ZNF385D: variants seen among roughly 807,000 people sequenced by gnomAD.
ZNF385D encodes the protein zinc finger protein 659.
In ZNF385D, 15 loss-of-function variants were observed where a neutral mutation model predicts 35.8. The observed-to-expected ratio is 0.42, with a 90% confidence interval of 0.28 to 0.64. ZNF385D has a LOEUF of 0.64. Ranked by LOEUF, ZNF385D falls within the 30% of genes least tolerant of loss-of-function variation. The pLI, the probability that ZNF385D is intolerant of heterozygous loss-of-function variation, is 0.23. For missense variants in ZNF385D, 474 were observed against 494.6 expected (o/e 0.96, Z 0.39); for synonymous variants, 212 against 186.8 (o/e 1.13, Z -1.10).
At chr3:21,556,068 G>GT (rs148079775) in intron 3 of ZNF385D, among the ~76,000 whole-genome samples, 23,808 of 98,964 alleles carry the variant, frequency 0.24, 2,958 homozygotes, top group Non-Finnish European at 0.28. Context: ...TTTTGTTTTT[G>GT]TTTTTTTTTT....
intron 2 of ZNF385D, among the ~76,000 whole-genome samples, chr3:22,185,735 G>C (rs1695587121): frequency 6.6e-6 from 1 of 152,124 alleles, no homozygotes; most frequent in Admixed American, 6.6e-5. Context: ...CAAAGTGCTG[G>C]GATTACAGGT....
At chr3:21,982,954 C>T (rs187684075) in intron 3 of ZNF385D, among the ~76,000 whole-genome samples, 207 of 151,838 alleles carry the variant, frequency 1.4e-3, no homozygotes, top group African/African-American at 3.9e-3. Context: ...TTGATCATAG[C>T]GGATTAGCTT....
At chr3:22,313,550 A>G (rs974473951) in intron 2 of ZNF385D, among the ~76,000 whole-genome samples, 1 of 152,052 alleles carries the variant, frequency 6.6e-6, no homozygotes, top group African/African-American at 2.4e-5. Flanking sequence ...CATGTTTTTA[A>G]AAAAGATATT....
chr3:22,311,030 C>T (rs114680205), intron 2 of ZNF385D, among the ~76,000 whole-genome samples: 2,618 of 151,410 alleles, frequency 0.017, 74 homozygotes, highest in African/African-American at 0.059. Flanking sequence ...TATGATACTA[C>T]GAAGGTTGAA....
At chr3:22,340,820 C>T (rs920245233) in intron 2 of ZNF385D, among the ~76,000 whole-genome samples, 3 of 152,212 alleles carry the variant, frequency 2.0e-5, no homozygotes, top group African/African-American at 7.2e-5. Context: ...TTCACAGGCT[C>T]ACTGCCTTTT....
intron 3 of ZNF385D, among the ~76,000 whole-genome samples, chr3:22,030,291 A>ATG (rs1697900653): frequency 8.8e-6 from 1 of 113,638 alleles, no homozygotes; most frequent in Non-Finnish European, 1.7e-5. Flanking sequence ...ATATATATAT[A>ATG]TATATATATA....
intron 1 of ZNF385D, among the ~76,000 whole-genome samples, chr3:21,695,731 A>C (rs2067447608): frequency 6.6e-6 from 1 of 150,500 alleles, no homozygotes; most frequent in African/African-American, 2.4e-5. Flanking sequence ...CTTGCTAGTC[A>C]AACTGCAGGT....
chr3:22,184,582 T>G (rs1267797857), intron 2 of ZNF385D, among the ~76,000 whole-genome samples: 1 of 152,104 alleles, frequency 6.6e-6, no homozygotes, highest in East Asian at 1.9e-4. Context: ...TCCCAGCACT[T>G]TGGGAGGCCG....
intron 2 of ZNF385D, among the ~76,000 whole-genome samples, chr3:22,368,769 A>G (rs188336125): frequency 7.2e-5 from 11 of 152,298 alleles, no homozygotes; most frequent in Non-Finnish European, 1.0e-4. Flanking sequence ...CTTCACCTCA[A>G]ATACTATCCC....
At chr3:21,840,971 C>G (rs1012889864) in intron 3 of ZNF385D, among the ~76,000 whole-genome samples, 1 of 151,990 alleles carries the variant, frequency 6.6e-6, no homozygotes, top group Admixed American at 6.6e-5. Context: ...TGTATCCAAT[C>G]TGGGTTGGTC....
intron 2 of ZNF385D, among the ~76,000 whole-genome samples, chr3:22,236,364 C>T (rs1486833097): frequency 3.9e-5 from 6 of 152,024 alleles, no homozygotes; most frequent in African/African-American, 1.2e-4. Context: ...TGGAGTCTTG[C>T]TCTGTCATCC....
At chr3:21,774,630 A>C (rs1451608471) in intron 3 of ZNF385D, among the ~76,000 whole-genome samples, 1 of 151,794 alleles carries the variant, frequency 6.6e-6, no homozygotes, top group Non-Finnish European at 1.5e-5. Context: ...AGGTGCAGAG[A>C]TAGAGAGAAG....
chr3:22,123,950 C>G (rs1426412627), intron 3 of ZNF385D, among the ~76,000 whole-genome samples: 2 of 103,196 alleles, frequency 1.9e-5, no homozygotes, highest in South Asian at 3.5e-4. Context: ...CTCTCTCTCT[C>G]TCTCTCTCTC....
intron 1 of ZNF385D, among the ~76,000 whole-genome samples, chr3:21,697,907 T>A (rs1280028218): frequency 6.6e-6 from 1 of 152,084 alleles, no homozygotes; most frequent in Non-Finnish European, 1.5e-5. Flanking sequence ...GATACCATCT[T>A]ACACCAGTCA....
At chr3:22,063,691 T>C (rs1378334415) in intron 3 of ZNF385D, among the ~76,000 whole-genome samples, 1 of 152,194 alleles carries the variant, frequency 6.6e-6, no homozygotes, top group Non-Finnish European at 1.5e-5. Flanking sequence ...AGCCCTCAGC[T>C]CTCTGTCCTC....
intron 3 of ZNF385D, among the ~76,000 whole-genome samples, chr3:22,019,676 C>T (rs1047002712): frequency 1.3e-5 from 2 of 151,914 alleles, no homozygotes; most frequent in Admixed American, 6.6e-5. Flanking sequence ...TTCCAAATAT[C>T]CCCCAAAGTT....
intron 3 of ZNF385D, among the ~76,000 whole-genome samples, chr3:21,862,140 G>A (rs1357085252): frequency 6.6e-6 from 1 of 152,056 alleles, no homozygotes; most frequent in Non-Finnish European, 1.5e-5. Flanking sequence ...TTGCTTATAT[G>A]ATCACTTTTC....
chr3:21,479,354 T>C (rs944021479), intron 4 of ZNF385D, among the ~76,000 whole-genome samples: 2 of 152,074 alleles, frequency 1.3e-5, no homozygotes, highest in African/African-American at 4.8e-5. Flanking sequence ...ACACATGTTA[T>C]GATGTGTTAA....
At chr3:22,347,029 T>G (rs1210395276) in intron 2 of ZNF385D, among the ~76,000 whole-genome samples, 1 of 152,070 alleles carries the variant, frequency 6.6e-6, no homozygotes, top group Admixed American at 6.6e-5. Context: ...ACCCACATAA[T>G]GTACAAACAA....
Sources: allele counts gnomAD v4.1 joint callset (sites outside exome capture counted in the v4.1 genomes callset), GRCh38; gene constraint gnomAD v4.1.1; transcripts MANE v1.5; gene names NCBI Gene and HGNC (gene_info 2026-07-23, HGNC 2026-07-21).